The following DENND4C variants were observed in gnomAD, a reference collection of about 807,000 sequenced individuals.
DENND4C encodes DENN domain containing 4C, also known as DENN domain-containing protein 4C.
Under a neutral mutation model 203.0 loss-of-function variants are expected in DENND4C, and 108 were observed. The observed-to-expected ratio is 0.53, with a 90% CI of 0.46 to 0.62. DENND4C has a LOEUF of 0.62. Among genes scored for constraint, DENND4C ranks in the 20% least tolerant of loss-of-function variants. DENND4C has a pLI of 0.00. For missense variants in DENND4C, 2,481 were observed against 2,301.2 expected, an observed-to-expected ratio of 1.08 and a Z score of -1.60; for synonymous variants, 871 against 792.4, an observed-to-expected ratio of 1.10 and a Z score of -1.67.
chr9:19,266,388 T>A (rs1460400543), intron 1 of DENND4C, among the ~76,000 whole-genome samples: 1 of 101,964 alleles, frequency 9.8e-6, no homozygotes, highest in Non-Finnish European at 2.2e-5. Context: ...ATTGTAAAAA[T>A]TTTCTCCTGT....
intron 20 of DENND4C, among the ~76,000 whole-genome samples, chr9:19,339,982 A>C (rs1010450107): frequency 1.3e-5 from 2 of 152,074 alleles, no homozygotes; most frequent in African/African-American, 2.4e-5. Context: ...AGCTCCTTTA[A>C]GCTAGTTTTT....
At chr9:19,250,155 A>G (rs971598659) in intron 1 of DENND4C, among the ~76,000 whole-genome samples, 1 of 152,082 alleles carries the variant, frequency 6.6e-6, no homozygotes, top group African/African-American at 2.4e-5. Context: ...CTGTTCTCAC[A>G]TGGCTGACAT....
At chr9:19,301,402 G>A (rs1838548223) in intron 9 of DENND4C, among the ~76,000 whole-genome samples, 1 of 152,140 alleles carries the variant, frequency 6.6e-6, no homozygotes, top group Non-Finnish European at 1.5e-5. Flanking sequence ...ACTTGTTACA[G>A]TTGCCTAGCA....
At chr9:19,248,338 A>G (rs902574548) in intron 1 of DENND4C, among the ~76,000 whole-genome samples, 7 of 151,932 alleles carry the variant, frequency 4.6e-5, no homozygotes, top group Admixed American at 4.6e-4. Flanking sequence ...CTTTATTGTC[A>G]TATGATTTGC....
intron 5 of DENND4C, among the ~76,000 whole-genome samples, chr9:19,291,808 TAA>T (rs935024792): frequency 6.6e-6 from 1 of 151,364 alleles, no homozygotes; most frequent in African/African-American, 2.4e-5. Flanking sequence ...ATGTAAAACA[TAA>T]AAGGAGTTTT....
At chr9:19,352,206 T>C (rs1282204000) in intron 25 of DENND4C, 24 bp downstream of exon 25, 11 of 1,584,956 alleles carry the variant, frequency 6.9e-6, no homozygotes, top group East Asian at 4.5e-5. Flanking sequence ...ATTCAGTTCA[T>C]GATAAAGTAG....
At chr9:19,260,676 T>A (rs1207326511) in intron 1 of DENND4C, among the ~76,000 whole-genome samples, 1 of 152,152 alleles carries the variant, frequency 6.6e-6, no homozygotes, top group African/African-American at 2.4e-5. Flanking sequence ...TAATTACAGG[T>A]GTAAGCAACC....
Position 19,325,463 on chromosome 9 carries a change from T to A in DENND4C, c.1954-476T>A, listed in dbSNP as rs577178441. ...AAAAGTTGAATATTATGACATTAAT[T>A]TTTATGGCCCCCTCATGATTCATAT... On this transcript the variant is annotated intron_variant, in intron 13 of 32. Transcript: ENST00000434457. Among the ~76,000 whole-genome samples, 5 of 152,298 alleles carry A rather than the reference T, an allele frequency of 3.3e-5. No individual in the cohort carries two copies. The East Asian group carries it at 9.6e-4, about 29-fold the overall frequency.
intron 1 of DENND4C, among the ~76,000 whole-genome samples, chr9:19,231,623 T>C (rs889957419): frequency 2.6e-5 from 4 of 151,828 alleles, no homozygotes; most frequent in African/African-American, 9.7e-5. Flanking sequence ...TAATAAGGAA[T>C]TACCCAGTTT....
chr9:19,269,192 C>T (rs916963405), intron 1 of DENND4C, among the ~76,000 whole-genome samples: 1 of 151,830 alleles, frequency 6.6e-6, no homozygotes, highest in African/African-American at 2.4e-5. Flanking sequence ...GATGGAGTTT[C>T]GCTTTTGTTG....
rs560896614 is a variant in DENND4C, at chr9:19,265,338, G to T, written c.-17-10820G>T. On this transcript the variant is annotated intron_variant, in intron 1 of 32. Coordinates refer to ENST00000434457, the MANE Select transcript of DENND4C (RefSeq NM_001330640.2). Reference sequence around the variant, plus strand: ...GGCCAATTTTTTAAATTTTCCTTCTGAATCTCTTCATTGACCCAGTGGTCA... The same window carrying T: ...GGCCAATTTTTTAAATTTTCCTTCTTAATCTCTTCATTGACCCAGTGGTCA... Among the ~76,000 whole-genome samples the T allele has an allele frequency of 7.6e-4, 115 of 152,112 alleles. 2 individuals are homozygous for T. Among genetic ancestry groups the T allele is most frequent in the African/African-American group, 1.9e-3 (79 of 41,500 alleles).
At chr9:19,310,711 C>T (rs1057224414) in intron 10 of DENND4C, among the ~76,000 whole-genome samples, 17 of 151,982 alleles carry the variant, frequency 1.1e-4, no homozygotes, top group African/African-American at 3.9e-4. Flanking sequence ...AGTTGATAAG[C>T]GTTGATGATT....
At chr9:19,265,715 G>C (rs1458717066) in intron 1 of DENND4C, among the ~76,000 whole-genome samples, 4 of 151,952 alleles carry the variant, frequency 2.6e-5, no homozygotes, top group East Asian at 3.9e-4. Context: ...TTGGTTTTCT[G>C]TCCTTGCGAT....
At chr9:19,252,792 G>A (rs1826973657) in intron 1 of DENND4C, among the ~76,000 whole-genome samples, 1 of 151,970 alleles carries the variant, frequency 6.6e-6, no homozygotes, top group Non-Finnish European at 1.5e-5. Context: ...CTAGGGTGCA[G>A]TGGCACTATC....
intron 5 of DENND4C, 97 bp from the exon 6 acceptor site, chr9:19,295,911 T>C: frequency 1.1e-6 from 1 of 912,836 alleles, no homozygotes; most frequent in Non-Finnish European, 1.7e-6. Context: ...TGTATAAGTG[T>C]ACTCCAAGCA....
intron 2 of DENND4C, among the ~76,000 whole-genome samples, chr9:19,278,812 A>C (rs1045414561): frequency 3.3e-5 from 5 of 152,156 alleles, no homozygotes; most frequent in African/African-American, 1.2e-4. Flanking sequence ...GAGCCAGGTT[A>C]GAAAGACAGG....
At chr9:19,320,665 A>G (rs1842730966) in intron 12 of DENND4C, among the ~76,000 whole-genome samples, 1 of 152,234 alleles carries the variant, frequency 6.6e-6, no homozygotes, top group Non-Finnish European at 1.5e-5. Flanking sequence ...AAGAAGTGCC[A>G]AAATACGTGG....
rs560577660 is a variant in DENND4C at position 19,372,161 on chromosome 9, G to A, written c.5865G>A (p.Ala1955=). The change falls in exon 33 of 33, where the codon GCG becomes GCA. Residue 1955 remains alanine (A), a synonymous_variant. Transcript: ENST00000434457. ...SVEWCRKCFG[A]PLI ...AGTGGTGCAGGAAGTGTTTTGGAGCGCCTCTCATTTAAATAGAGATTCACT... is the reference window on the plus strand; with the variant it reads ...AGTGGTGCAGGAAGTGTTTTGGAGCACCTCTCATTTAAATAGAGATTCACT... 1.4e-5 allele frequency: 22 copies of A among 1,610,720 alleles called. No homozygotes were observed. Among genetic ancestry groups the A allele is most frequent in the South Asian group, 6.7e-5 (6 of 90,082 alleles).
intron 9 of DENND4C, among the ~76,000 whole-genome samples, chr9:19,303,239 A>AT (rs568222808): frequency 2.8e-4 from 43 of 152,050 alleles, no homozygotes; most frequent in Admixed American, 2.5e-3. Flanking sequence ...AGCACTTTGG[A>AT]TTTTGGATTT....
Sources: gnomAD v4.1 joint callset for allele counts (sites outside exome capture counted in the v4.1 genomes callset) on GRCh38, gnomAD v4.1.1 for gene constraint, MANE v1.5 for transcripts, NCBI Gene and HGNC (gene_info 2026-07-23, HGNC 2026-07-21) for gene names.